The following SPRY1 variants were observed in gnomAD, a reference collection of about 807,000 sequenced individuals.
The protein encoded by SPRY1 is sprouty RTK signaling antagonist 1.
A neutral mutation model predicts 22.6 loss-of-function variants in SPRY1; 20 were observed. That is an observed-to-expected ratio of 0.89 (90% CI 0.62 to 1.29). The LOEUF (loss-of-function observed/expected upper bound fraction) is 1.29. SPRY1 is among the 50% of genes most tolerant of loss of function. SPRY1 has a pLI of 0.00. For missense variants in SPRY1, 446 were observed against 387.7 expected (o/e 1.15, Z -1.26); for synonymous variants, 155 against 144.7 (o/e 1.07, Z -0.51).
chr4:123,401,804 A>G lies in SPRY1; in HGVS notation c.213A>G (p.Gln71=). 3 of 1,614,254 alleles carry G rather than the reference A, an allele frequency of 1.9e-6. No individual in the cohort carries two copies. Among genetic ancestry groups the G allele is most frequent in the East Asian group, 2.2e-5 (1 of 44,892 alleles). ...KRPAPRTAPR[Q]EKHERTHEII... is the part of the protein sequence containing the mutation. ...CTGCTCCTCGGACAGCACCAAGACA[A>G]GAAAAGCATGAAAGGACTCATGAAA... Residue 71 remains glutamine, a synonymous_variant, in exon 3 of 3, where the codon CAA becomes CAG. Transcript: ENST00000651917.
At chr4:123,397,273 T>A (rs571244072) in intron 1 of SPRY1, among the ~76,000 whole-genome samples, 1 of 152,302 alleles carries the variant, frequency 6.6e-6, no homozygotes, top group Non-Finnish European at 1.5e-5. Context: ...TGTTTAGGCA[T>A]TGTTGGCGAC....
rs780045221 is a variant in SPRY1 at position 123,402,295 on chromosome 4, A to G, written c.704A>G (p.Asp235Gly). 1.2e-6 allele frequency: 2 copies of G among 1,614,224 alleles called. No homozygotes were observed. The highest frequency in any genetic ancestry group is 1.7e-6 in the Non-Finnish European group (2 of 1,180,028). ...VKGIFYHCSN[D>G]DEGDSYSDNP... ...GGCATCTTCTACCACTGCTCCAATG[A>G]CGACGAAGGGGATTCCTATTCAGAT... Residue 235 changes from aspartate to glycine, a missense_variant, in exon 3 of 3, where the codon GAC becomes GGC. Coordinates refer to ENST00000651917, the MANE Select transcript of SPRY1 (RefSeq NM_001258038.2).
At chr4:123,398,182 G>A (rs960535442) in intron 2 of SPRY1, 2 of 152,298 alleles carry the variant, frequency 1.3e-5, no homozygotes, top group African/African-American at 4.8e-5. Flanking sequence ...TTCCTGAAAG[G>A]ATTTGTAAAA....
Position 123,402,022 on chromosome 4 carries a change from C to G in SPRY1, c.431C>G (p.Pro144Arg), listed in dbSNP as rs180866016. The change falls in exon 3 of 3, where the codon CCA (proline) becomes CGA (arginine). Residue 144 changes from proline to arginine, a missense_variant. Transcript: ENST00000651917. ...TTAGGAAGGTCACCACCAACCAGAC[C>G]AGTCCCTGGTCATAGGTCTGAAAGG... The part of the protein sequence containing the change: ...GLLGRSPPTR[P>R]VPGHRSERAI... 99 of 1,614,156 alleles carry G rather than the reference C, an allele frequency of 6.1e-5. 1 individual carries two copies. The Admixed American group carries it at 1.3e-3, about 21-fold the overall frequency.
At chr4:123,400,064 T>G (rs1162485868) in intron 2 of SPRY1, 3 of 152,252 alleles carry the variant, frequency 2.0e-5, no homozygotes, top group Non-Finnish European at 4.4e-5. Flanking sequence ...GTTTTGTGAA[T>G]CTGGCTTAGT....
chr4:123,401,477 C>G (rs184465742), intron 2 of SPRY1, 60 bp from the exon 3 acceptor site: 51 of 1,318,584 alleles, frequency 3.9e-5, no homozygotes, highest in South Asian at 2.0e-4. Context: ...TTCCCCCCCC[C>G]CAAAAAAAAT....
chr4:123,397,831 C>T lies in SPRY1; in HGVS notation c.-81C>T, dbSNP rs1205486170. The T allele has an allele frequency of 2.6e-5, 2 of 77,724 alleles. No individual in the cohort carries two copies. The highest frequency in any genetic ancestry group is 3.2e-4 in the South Asian group (1 of 3,092). 4.8% of individuals were successfully genotyped at this position (77,724 alleles called of 1,614,324 possible). A position where few individuals can be genotyped will look rare whatever the true frequency, so the allele number is the denominator to read the frequency against. Reference sequence around the variant, plus strand: ...ACCTCACTCTCTTCACTCCTCCCCGCTAAAAAAAAAAAAAAAAAGAAAAGG... The same window carrying T: ...ACCTCACTCTCTTCACTCCTCCCCGTTAAAAAAAAAAAAAAAAAGAAAAGG... On this transcript the variant is annotated 5_prime_UTR_variant, in exon 2 of 3. Transcript: ENST00000651917.
rs574797191 is a variant in SPRY1, at chr4:123,401,423, G to A, written c.-55-114G>A. 2.2e-5 allele frequency: 18 copies of A among 831,752 alleles called. No individual in the cohort carries two copies. In the African/African-American group the frequency reaches 2.9e-4, roughly 13 times the overall value. 51.5% of individuals were successfully genotyped at this position (831,752 alleles called of 1,614,324 possible). ...GCATCATTGTAATCCACTGATGAAG[G>A]AGGTCATTACTAGGCGGTTTAGGCA... is the stretch of plus-strand genomic sequence containing the variant. On this transcript the variant is annotated intron_variant, in intron 2 of 2. Transcript: ENST00000651917.
chr4:123,403,042 A>AT lies in SPRY1; in HGVS notation c.*497dup. On this transcript the variant is annotated 3_prime_UTR_variant, in exon 3 of 3. Transcript: ENST00000651917. ...GCCCCTTAAGTAGCATGGGGGATAT[A>AT]TTTTTTGCTATAACGTAAAAATTTT... The AT allele has an allele frequency of 2.6e-6, 1 of 392,088 alleles. No individual in the cohort carries two copies. The highest frequency in any genetic ancestry group is 4.7e-6 in the Non-Finnish European group (1 of 213,688). 24.3% of individuals were successfully genotyped at this position (392,088 alleles called of 1,614,324 possible). A position where few individuals can be genotyped will look rare whatever the true frequency, so the allele number is the denominator to read the frequency against.
intron 2 of SPRY1, among the ~76,000 whole-genome samples, chr4:123,400,714 A>G (rs1725110709): frequency 6.6e-6 from 1 of 151,946 alleles, no homozygotes; most frequent in African/African-American, 2.4e-5. Context: ...AACTGCCAGG[A>G]TTTCCCTACA....
At chr4:123,400,728 C>T (rs899049982) in intron 2 of SPRY1, among the ~76,000 whole-genome samples, 1 of 152,088 alleles carries the variant, frequency 6.6e-6, no homozygotes, top group African/African-American at 2.4e-5. Context: ...CCCTACACTG[C>T]GTTAAAGGCC....
At chr4:123,398,596 C>G (rs1356562315) in intron 2 of SPRY1, 7 of 152,296 alleles carry the variant, frequency 4.6e-5, no homozygotes. Context: ...GGTGCGGACT[C>G]GGCGGCGCTG....
rs34583543 is a variant in SPRY1, at chr4:123,397,832, TA to T, written c.-63del. ...CCTCACTCTCTTCACTCCTCCCCGC[TA>T]AAAAAAAAAAAAAAAAGAAAAGGGT... On this transcript the variant is annotated 5_prime_UTR_variant, in exon 2 of 3. Transcript: ENST00000651917. 61,504 of 119,438 alleles carry T rather than the reference TA, an allele frequency of 0.51. 15,884 individuals are homozygous for T. Among genetic ancestry groups the T allele is most frequent in the Non-Finnish European group, 0.61 (35,612 of 58,832 alleles). 7.4% of individuals were successfully genotyped at this position (119,438 alleles called of 1,614,324 possible). A position where few individuals can be genotyped will look rare whatever the true frequency, so the allele number is the denominator to read the frequency against.
Position 123,397,664 on chromosome 4 carries a change from G to C in SPRY1, c.-248G>C, listed in dbSNP as rs1724965825. On this transcript the variant is annotated 5_prime_UTR_variant, in exon 2 of 3. Coordinates refer to ENST00000651917, the MANE Select transcript of SPRY1 (RefSeq NM_001258038.2). ...GAGGACTGGGTGTGAGCGCTGCCCG[G>C]GAGAGGCTGACCTGCCGGGACCGGA... 1 of 152,082 alleles carries C rather than the reference G, an allele frequency of 6.6e-6. No individual in the cohort carries two copies. The highest frequency in any genetic ancestry group is 2.4e-5 in the African/African-American group (1 of 41,402). The allele number at this position is 152,082 out of a possible 1,614,324, so 9.4% of individuals were successfully genotyped here.
Position 123,402,728 on chromosome 4 carries a change from G to A in SPRY1, c.*177G>A. 1.2e-6 allele frequency: 1 copy of A among 819,484 alleles called. No homozygotes were observed. The highest frequency in any genetic ancestry group is 1.9e-6 in the Non-Finnish European group (1 of 531,450). 50.8% of individuals were successfully genotyped at this position (819,484 alleles called of 1,614,324 possible). ...TTTCCTCATGGATGATCTTCAGCAA[G>A]AGTGGACTGGGAAGCTGCACCTGGC... On this transcript the variant is annotated 3_prime_UTR_variant, in exon 3 of 3. Transcript: ENST00000651917.
chr4:123,398,818 G>A (rs939657387), intron 2 of SPRY1, among the ~76,000 whole-genome samples: 2 of 152,172 alleles, frequency 1.3e-5, no homozygotes, highest in Non-Finnish European at 2.9e-5. Flanking sequence ...GGTGGCCCAG[G>A]TTGTCCTCTC....
chr4:123,401,547 G>T lies in SPRY1; in HGVS notation c.-45G>T. On this transcript the variant is annotated 5_prime_UTR_variant, in exon 3 of 3. An upstream start codon of the reference 5' UTR is lost. Transcript: ENST00000651917. The stretch of plus-strand genomic sequence containing the variant: ...TTGATTTCGTTTTAGGATTTCAGAT[G>T]CATGCCAGGTTTCCACTGATTGCCA... 2.6e-6 allele frequency: 4 copies of T among 1,557,628 alleles called. No homozygotes were observed. The highest frequency in any genetic ancestry group is 1.2e-5 in the South Asian group (1 of 81,252).
chr4:123,401,475 C>T, intron 2 of SPRY1, 62 bp from the exon 3 acceptor site: 1 of 1,338,930 alleles, frequency 7.5e-7, no homozygotes, highest in Non-Finnish European at 1.0e-6. Flanking sequence ...GATTCCCCCC[C>T]CCCAAAAAAA....
rs1706142863 is a variant in SPRY1, at chr4:123,401,527, T to A, written c.-55-10T>A. ...ATTTTCTGTTTTTTTCATCTTTGAT[T>A]TCGTTTTAGGATTTCAGATGCATGC... On this transcript the variant is annotated splice_polypyrimidine_tract_variant and intron_variant, in intron 2 of 2. Transcript: ENST00000651917. The A allele has an allele frequency of 3.2e-6, 5 of 1,541,476 alleles. No homozygotes were observed. The highest frequency in any genetic ancestry group is 4.4e-6 in the Non-Finnish European group (5 of 1,146,564).
Sources: gnomAD v4.1 joint callset for allele counts (sites outside exome capture counted in the v4.1 genomes callset) on GRCh38, gnomAD v4.1.1 for gene constraint, MANE v1.5 for transcripts, NCBI Gene and HGNC (gene_info 2026-07-23, HGNC 2026-07-21) for gene names.